The following USH2A variants were observed in gnomAD, a reference collection of about 807,000 sequenced individuals.
The protein encoded by USH2A is usherin, also known as Usher syndrome 2A (autosomal recessive, mild).
In USH2A, 443 loss-of-function variants were observed where a neutral mutation model predicts 538.9. That is an observed-to-expected ratio of 0.82 (90% confidence interval 0.76 to 0.89). The LOEUF is 0.89. Among genes scored for constraint, USH2A ranks in the 40% least tolerant of loss-of-function variants. The probability of loss-of-function intolerance (pLI) is 0.00; values close to 1 mark genes in which losing one functional copy is unlikely to be tolerated. For missense variants in USH2A, 6,633 were observed against 6,324.8 expected (o/e 1.05, Z -1.65); for synonymous variants, 2,413 against 2,273.5 (o/e 1.06, Z -1.75).
intron 35 of USH2A, among the ~76,000 whole-genome samples, chr1:215,974,274 G>A (rs1456712856): frequency 6.6e-6 from 1 of 152,044 alleles, no homozygotes; most frequent in East Asian, 1.9e-4. Flanking sequence ...TAATGTAGTG[G>A]ACATTTTAAA....
intron 21 of USH2A, among the ~76,000 whole-genome samples, chr1:216,112,531 G>T (rs567932075): frequency 9.3e-4 from 142 of 151,988 alleles, no homozygotes; most frequent in Non-Finnish European, 1.8e-3. Context: ...GTGTCACGGG[G>T]GTTCAATGAA....
At chr1:215,665,658 T>C (rs1174894960) in intron 64 of USH2A, among the ~76,000 whole-genome samples, 2 of 152,176 alleles carry the variant, frequency 1.3e-5, no homozygotes, top group African/African-American at 2.4e-5. Context: ...AAAAATATTG[T>C]CTTAATTTGC....
chr1:216,154,108 T>C (rs1001200188), intron 21 of USH2A, among the ~76,000 whole-genome samples: 1 of 152,188 alleles, frequency 6.6e-6, no homozygotes, highest in Non-Finnish European at 1.5e-5. Context: ...CAAGTGTCTA[T>C]TTCATATTTT....
chr1:215,662,041 G>A (rs1185273922), intron 64 of USH2A, among the ~76,000 whole-genome samples: 1 of 152,190 alleles, frequency 6.6e-6, no homozygotes, highest in African/African-American at 2.4e-5. Context: ...TTAGCCTCCT[G>A]CCTCAATCCT....
chr1:216,261,540 T>C (rs2036372374), intron 11 of USH2A, among the ~76,000 whole-genome samples: 1 of 148,366 alleles, frequency 6.7e-6, no homozygotes, highest in Non-Finnish European at 1.5e-5. Context: ...ACAATAATAA[T>C]GAGATGAAAA....
At position 215,650,637 on chromosome 1, in the gene USH2A, A is replaced by G; in HGVS notation, c.14298T>C (p.Ser4766=). Residue 4766 remains serine, a synonymous_variant, in exon 65 of 72, where the codon AGT becomes AGC. Transcript: ENST00000307340. The stretch of plus-strand genomic sequence containing the variant: ...CGCTGCTGGAGAACAGCCTGTAGAG[A>G]CTGACGATCCCGTTGGGCTTCCCAG... ...SAPGKPNGIV[S]LYRLFSSSAH... The G allele has an allele frequency of 6.2e-7, 1 of 1,614,146 alleles. No individual in the cohort carries two copies. The highest frequency in any genetic ancestry group is 8.5e-7 in the Non-Finnish European group (1 of 1,180,034).
rs537734087 is a variant in USH2A at position 216,196,440 on chromosome 1, C to T, written c.4251+113G>A. 51 of 1,175,026 alleles carry T rather than the reference C, an allele frequency of 4.3e-5. No homozygotes were observed. In the African/African-American group the frequency reaches 7.3e-4, roughly 17 times the overall value. 72.8% of individuals were successfully genotyped at this position (1,175,026 alleles called of 1,614,324 possible). A position where few individuals can be genotyped will look rare whatever the true frequency, so the allele number is the denominator to read the frequency against. ...TAATATTATATTAAGAAAAAATGCC[C>T]TGTTTAATCAATATAGAGGGAGAAT... is the stretch of plus-strand genomic sequence containing the variant. On this transcript the variant is annotated intron_variant, in intron 19 of 71. Transcript: ENST00000307340.
At chr1:216,337,158 A>T (rs2037989629) in intron 4 of USH2A, among the ~76,000 whole-genome samples, 1 of 151,464 alleles carries the variant, frequency 6.6e-6, no homozygotes, top group Non-Finnish European at 1.5e-5. Context: ...AAGTGTTTTA[A>T]AATATCTTAA....
chr1:215,759,916 C>A, intron 56 of USH2A, 73 bp from the exon 57 acceptor site: 1 of 1,558,592 alleles, frequency 6.4e-7, no homozygotes, highest in Non-Finnish European at 8.8e-7. Flanking sequence ...ACACCATCCC[C>A]CCCATGAACT....
chr1:216,039,823 A>C (rs1224402918), intron 32 of USH2A, among the ~76,000 whole-genome samples: 2 of 151,870 alleles, frequency 1.3e-5, no homozygotes, highest in African/African-American at 2.4e-5. Flanking sequence ...CGTAAGACTT[A>C]AGTGTTTGGA....
At chr1:216,147,218 C>A (rs967223947) in intron 21 of USH2A, among the ~76,000 whole-genome samples, 7 of 152,030 alleles carry the variant, frequency 4.6e-5, no homozygotes, top group Non-Finnish European at 1.0e-4. Context: ...CTCCCTTCCT[C>A]CCCAGGTTGT....
intron 58 of USH2A, among the ~76,000 whole-genome samples, chr1:215,752,608 T>C (rs1456992933): frequency 6.6e-6 from 1 of 152,324 alleles, no homozygotes; most frequent in East Asian, 1.9e-4. Flanking sequence ...GCTTTCTGGT[T>C]ACTACTTCCT....
chr1:215,917,067 C>A (rs945899999), intron 38 of USH2A, among the ~76,000 whole-genome samples: 1 of 152,080 alleles, frequency 6.6e-6, no homozygotes, highest in Admixed American at 6.6e-5. Flanking sequence ...ATTTGTTCAA[C>A]TAGAATGTAG....
rs573662231 is a variant in USH2A at position 215,958,136 on chromosome 1, T to TA, written c.7120+7180_7120+7181insT. On this transcript the variant is annotated intron_variant, in intron 37 of 71. Coordinates refer to ENST00000307340, the MANE Select transcript of USH2A (RefSeq NM_206933.4). ...TCAAGAAAATAAACGCTTCTGTATA[T>TA]TTTTTTTCCATCTTGTAATTTTTAT... is the stretch of plus-strand genomic sequence containing the variant. 3.9e-3 allele frequency among the ~76,000 whole-genome samples: 414 copies of TA among 106,516 alleles called. 4 individuals carry two copies. The highest frequency in any genetic ancestry group is 0.018 in the African/African-American group (399 of 22,244). The allele number at this position is 106,516 out of a possible 152,430, so 69.9% of individuals were successfully genotyped here. A position where few individuals can be genotyped will look rare whatever the true frequency, so the allele number is the denominator to read the frequency against.
chr1:215,790,092 G>A lies in USH2A; in HGVS notation c.10149C>T (p.Cys3383=), dbSNP rs752720224. 2 of 1,612,736 alleles carry A rather than the reference G, an allele frequency of 1.2e-6. No individual in the cohort carries two copies. Among genetic ancestry groups the A allele is most frequent in the Non-Finnish European group, 1.7e-6 (2 of 1,179,836 alleles). Residue 3383 remains cysteine (C), a synonymous_variant, in exon 51 of 72, where the codon TGC becomes TGT. Transcript: ENST00000307340. ...TCATTCCAGTTGAAATCTTGTCAGA[G>A]CAAACATATTTCAAAGGATTATATC... The part of the protein sequence containing the change: ...GVGYNPLKYV[C]SDKISTGMMM...
chr1:216,174,671 GAA>G (rs750575699), intron 21 of USH2A: 31 of 986,506 alleles, frequency 3.1e-5, no homozygotes, highest in Non-Finnish European at 3.5e-5. Flanking sequence ...CTGGCTTAGA[GAA>G]GTTATCTTTT....
intron 11 of USH2A, among the ~76,000 whole-genome samples, chr1:216,283,174 C>A (rs2036815199): frequency 6.6e-6 from 1 of 152,120 alleles, no homozygotes; most frequent in African/African-American, 2.4e-5. Flanking sequence ...GCAAGCTCCA[C>A]CTCCCAGGTT....
chr1:215,929,355 G>A (rs1251935484), intron 38 of USH2A, among the ~76,000 whole-genome samples: 1 of 151,962 alleles, frequency 6.6e-6, no homozygotes, highest in African/African-American at 2.4e-5. Flanking sequence ...GGATGCTGAA[G>A]GTATTTCAAA....
At chr1:215,706,168 G>A (rs1659180324) in intron 61 of USH2A, among the ~76,000 whole-genome samples, 1 of 152,168 alleles carries the variant, frequency 6.6e-6, no homozygotes, top group Non-Finnish European at 1.5e-5. Flanking sequence ...TTTTGAGTCT[G>A]TGCTCATAAC....
Sources: allele counts gnomAD v4.1 joint callset (sites outside exome capture counted in the v4.1 genomes callset), GRCh38; gene constraint gnomAD v4.1.1; transcripts MANE v1.5; gene names NCBI Gene and HGNC (gene_info 2026-07-23, HGNC 2026-07-21).